SNX29: variants seen among roughly 807,000 people sequenced by gnomAD.
SNX29 encodes the protein sorting nexin 29.
In SNX29, 78 loss-of-function variants were observed where a neutral mutation model predicts 102.1. The observed-to-expected ratio is 0.76, with a 90% CI of 0.64 to 0.92. The LOEUF (loss-of-function observed/expected upper bound fraction) is 0.92. SNX29 is among the 40% of genes least tolerant of loss of function. The pLI, the probability that SNX29 is intolerant of heterozygous loss-of-function variation, is 0.00. For missense variants in SNX29, 1,280 were observed against 1,061.7 expected (o/e 1.21, Z -2.86); for synonymous variants, 580 against 414.5 (o/e 1.40, Z -4.85).
intron 18 of SNX29, among the ~76,000 whole-genome samples, chr16:12,448,740 T>G (rs1026178432): frequency 6.6e-6 from 1 of 152,206 alleles, no homozygotes; most frequent in African/African-American, 2.4e-5. Context: ...AGACTTTCCC[T>G]GAAGTGTCTG....
chr16:12,269,856 CATCATT>C (rs909815747), intron 14 of SNX29, among the ~76,000 whole-genome samples: 32 of 117,150 alleles, frequency 2.7e-4, no homozygotes, highest in Middle Eastern at 4.7e-3. Context: ...TCATCATCAT[CATCATT>C]ATTATTATTA....
chr16:12,337,981 G>T (rs915142739), intron 15 of SNX29, among the ~76,000 whole-genome samples: 7 of 152,270 alleles, frequency 4.6e-5, no homozygotes, highest in African/African-American at 1.7e-4. Flanking sequence ...TGCGGTCTTT[G>T]GGTTGAATCC....
chr16:12,148,922 G>T (rs1049697096), intron 13 of SNX29, among the ~76,000 whole-genome samples: 3 of 151,894 alleles, frequency 2.0e-5, no homozygotes, highest in African/African-American at 7.3e-5. Context: ...GGCTGGTCTC[G>T]AACTCCTGAC....
chr16:12,279,950 G>A (rs867306858), intron 15 of SNX29, among the ~76,000 whole-genome samples: 3 of 152,266 alleles, frequency 2.0e-5, no homozygotes, highest in East Asian at 1.9e-4. Context: ...TGCCTACTTC[G>A]CAGGGTCCAC....
intron 19 of SNX29, among the ~76,000 whole-genome samples, chr16:12,523,575 G>T (rs922360379): frequency 1.3e-5 from 2 of 152,320 alleles, no homozygotes; most frequent in South Asian, 2.1e-4. Flanking sequence ...CAACGTGACA[G>T]TGTGGAGCCC....
At chr16:12,565,033 C>G (rs766599243) in intron 20 of SNX29, among the ~76,000 whole-genome samples, 4 of 152,078 alleles carry the variant, frequency 2.6e-5, no homozygotes, top group African/African-American at 9.7e-5. Flanking sequence ...CTGGGATGAG[C>G]CTGGCACTGG....
intron 14 of SNX29, among the ~76,000 whole-genome samples, chr16:12,237,435 T>C (rs570931247): frequency 9.2e-5 from 14 of 152,344 alleles, no homozygotes; most frequent in African/African-American, 2.6e-4. Flanking sequence ...CTGACCATCA[T>C]GTTGCTGTTC....
intron 18 of SNX29, among the ~76,000 whole-genome samples, chr16:12,467,277 G>A (rs1368611082): frequency 2.6e-5 from 4 of 152,166 alleles, no homozygotes; most frequent in African/African-American, 9.7e-5. Context: ...ACATACATCT[G>A]TGTTCTCTCT....
chr16:12,168,120 C>G (rs537463165), intron 13 of SNX29, among the ~76,000 whole-genome samples: 2 of 152,306 alleles, frequency 1.3e-5, no homozygotes, highest in South Asian at 4.1e-4. Context: ...ATGATATACT[C>G]ACTTTAGTAC....
intron 11 of SNX29, among the ~76,000 whole-genome samples, chr16:12,117,848 C>T (rs906269191): frequency 5.3e-5 from 8 of 152,130 alleles, no homozygotes; most frequent in Non-Finnish European, 8.8e-5. Flanking sequence ...GTAATCCCAG[C>T]ACTTTGAGAG....
chr16:12,004,662 T>C (rs532119586), intron 3 of SNX29, among the ~76,000 whole-genome samples: 1 of 152,154 alleles, frequency 6.6e-6, no homozygotes, highest in Non-Finnish European at 1.5e-5. Flanking sequence ...CCCTCCTGTG[T>C]CCATCGTTCC....
At position 12,462,765 on chromosome 16, in the gene SNX29, C is replaced by T. The variant is rs931731461; in HGVS notation, c.2038-14954C>T. Among the ~76,000 whole-genome samples the T allele has an allele frequency of 2.6e-5, 4 of 152,216 alleles. No individual in the cohort carries two copies. The South Asian group carries it at 8.3e-4, about 31-fold the overall frequency. Reference sequence around the variant, plus strand: ...TATCTATGAAGAGAGAAGCAGAAGCCTGCTCTACCTTCACAGGGAAATAAA... The same window carrying T: ...TATCTATGAAGAGAGAAGCAGAAGCTTGCTCTACCTTCACAGGGAAATAAA... On this transcript the variant is annotated intron_variant, in intron 18 of 20. Transcript: ENST00000566228.
intron 15 of SNX29, among the ~76,000 whole-genome samples, chr16:12,327,546 G>A (rs78014002): frequency 2.0e-5 from 3 of 152,252 alleles, no homozygotes; most frequent in African/African-American, 7.2e-5. Context: ...ATTAACAGTC[G>A]TGTTGGGTTA....
intron 19 of SNX29, among the ~76,000 whole-genome samples, chr16:12,479,470 G>T (rs1268214480): frequency 6.6e-6 from 1 of 152,216 alleles, no homozygotes; most frequent in Middle Eastern, 3.4e-3. Context: ...AGGTCTGCTC[G>T]ATTTGAACAT....
chr16:12,257,337 C>G (rs988602593), intron 14 of SNX29, among the ~76,000 whole-genome samples: 4 of 152,174 alleles, frequency 2.6e-5, no homozygotes, highest in Admixed American at 6.5e-5. Context: ...CTTTTAAGGG[C>G]TCACGTCATT....
intron 18 of SNX29, among the ~76,000 whole-genome samples, chr16:12,464,081 C>T (rs571412290): frequency 8.3e-4 from 126 of 152,114 alleles, no homozygotes; most frequent in Non-Finnish European, 1.6e-3. Context: ...CATAGAACTT[C>T]ACTCACGTCC....
intron 15 of SNX29, among the ~76,000 whole-genome samples, chr16:12,321,805 C>G (rs753002649): frequency 6.6e-6 from 1 of 152,158 alleles, no homozygotes; most frequent in Non-Finnish European, 1.5e-5. Context: ...CATGCTACCA[C>G]CCACTCAAAG....
At chr16:12,320,824 T>C (rs1276868224) in intron 15 of SNX29, among the ~76,000 whole-genome samples, 1 of 152,218 alleles carries the variant, frequency 6.6e-6, no homozygotes, top group Non-Finnish European at 1.5e-5. Flanking sequence ...TCCAATTCTT[T>C]AGATGAAAAG....
intron 16 of SNX29, 101 bp downstream of exon 16, chr16:12,356,380 G>C: frequency 1.9e-6 from 2 of 1,071,130 alleles, no homozygotes; most frequent in Non-Finnish European, 2.7e-6. Flanking sequence ...TGCATCCACT[G>C]GCCAGATTTG....
Sources: gnomAD v4.1 joint callset for allele counts (sites outside exome capture counted in the v4.1 genomes callset) on GRCh38, gnomAD v4.1.1 for gene constraint, MANE v1.5 for transcripts, NCBI Gene and HGNC (gene_info 2026-07-23, HGNC 2026-07-21) for gene names.